Variants in GPM6A observed in about 807,000 individuals in gnomAD.
The protein encoded by GPM6A is neuronal membrane glycoprotein M6-a.
Under a neutral mutation model 32.1 loss-of-function variants are expected in GPM6A, and 7 were observed. The ratio of observed to expected loss-of-function variants is 0.22; its 90% confidence interval spans 0.12 to 0.41. The LOEUF (loss-of-function observed/expected upper bound fraction) is 0.41. Ranked by LOEUF, GPM6A falls within the 10% of genes least tolerant of loss-of-function variation. The pLI, the probability that GPM6A is intolerant of heterozygous loss-of-function variation, is 1.00. For synonymous variants in GPM6A, 130 were observed against 123.4 expected, an observed-to-expected ratio of 1.05 and a Z score of -0.35; for missense variants, 235 against 347.2, an observed-to-expected ratio of 0.68 and a Z score of 2.57.
chr4:175,887,224 T>A (rs191459333), intron 1 of GPM6A, among the ~76,000 whole-genome samples: 18 of 152,086 alleles, frequency 1.2e-4, no homozygotes, highest in Admixed American at 9.8e-4. Context: ...AAAATTTATA[T>A]AATGTTCATA....
intron 1 of GPM6A, among the ~76,000 whole-genome samples, chr4:175,995,189 T>A (rs1741265915): frequency 1.3e-5 from 2 of 152,112 alleles, no homozygotes; most frequent in Admixed American, 1.3e-4. Flanking sequence ...ATATTTGATC[T>A]CCTCCTATGA....
intron 1 of GPM6A, among the ~76,000 whole-genome samples, chr4:175,863,756 C>G (rs1736644169): frequency 6.6e-6 from 1 of 152,186 alleles, no homozygotes; most frequent in South Asian, 2.1e-4. Flanking sequence ...AATCCCAATA[C>G]TTTGGGATGC....
intron 1 of GPM6A, among the ~76,000 whole-genome samples, chr4:175,798,326 G>A (rs1734320012): frequency 1.3e-5 from 2 of 152,114 alleles, no homozygotes; most frequent in African/African-American, 4.8e-5. Context: ...TTGACGTTAA[G>A]ATTACCATGT....
At chr4:175,784,954 T>A (rs970648507) in intron 1 of GPM6A, among the ~76,000 whole-genome samples, 4 of 152,194 alleles carry the variant, frequency 2.6e-5, no homozygotes, top group African/African-American at 9.7e-5. Flanking sequence ...TTGGTAATAG[T>A]CAAAGATCTC....
At chr4:175,734,442 A>T (rs914296459) in intron 1 of GPM6A, among the ~76,000 whole-genome samples, 4 of 152,154 alleles carry the variant, frequency 2.6e-5, no homozygotes, top group Non-Finnish European at 5.9e-5. Context: ...TAGTGAACAA[A>T]GTAGCTTTAT....
At chr4:175,770,835 A>G (rs555542526) in intron 1 of GPM6A, among the ~76,000 whole-genome samples, 1 of 152,180 alleles carries the variant, frequency 6.6e-6, no homozygotes, top group African/African-American at 2.4e-5. Flanking sequence ...TACTATCTCT[A>G]CACAGGCTTC....
chr4:175,890,505 TTTATTTTATTTTATTTTATTTTATG>T (rs1191600212), intron 1 of GPM6A, among the ~76,000 whole-genome samples: 27 of 110,950 alleles, frequency 2.4e-4, no homozygotes, highest in Admixed American at 6.3e-4. Flanking sequence ...TTTATTTTAT[TTTATTTTATTTTATTTTATTTTATG>T]TTATGCTATG....
Position 175,651,816 on chromosome 4 carries a change from G to T in GPM6A, c.541+18C>A, listed in dbSNP as rs1741823582. ...ATGGGATGGTGTTTTACAGTTTAGA[G>T]ATCCAATATCCACTTACCAAACTGA... On this transcript the variant is annotated intron_variant, in intron 4 of 6. Coordinates refer to ENST00000393658, the MANE Select transcript of GPM6A (RefSeq NM_201591.3). The T allele has an allele frequency of 6.2e-7, 1 of 1,601,650 alleles. No individual in the cohort carries two copies. Among genetic ancestry groups the T allele is most frequent in the Non-Finnish European group, 8.5e-7 (1 of 1,170,826 alleles).
intron 1 of GPM6A, among the ~76,000 whole-genome samples, chr4:175,997,973 A>T (rs1012843173): frequency 1.3e-5 from 2 of 152,150 alleles, no homozygotes; most frequent in Non-Finnish European, 2.9e-5. Context: ...TCCCTCAACC[A>T]GTACTCCTTA....
chr4:175,968,642 G>A (rs1375723062), intron 1 of GPM6A, among the ~76,000 whole-genome samples: 1 of 152,104 alleles, frequency 6.6e-6, no homozygotes, highest in Non-Finnish European at 1.5e-5. Context: ...TCTCACCAAA[G>A]ATGACATAGA....
At chr4:175,751,231 A>T (rs1732324184) in intron 1 of GPM6A, among the ~76,000 whole-genome samples, 1 of 152,200 alleles carries the variant, frequency 6.6e-6, no homozygotes, top group African/African-American at 2.4e-5. Context: ...AGAATGTAGA[A>T]GACATGAAAT....
At chr4:175,710,811 A>T (rs554821639) in intron 1 of GPM6A, among the ~76,000 whole-genome samples, 1 of 152,174 alleles carries the variant, frequency 6.6e-6, no homozygotes, top group South Asian at 2.1e-4. Flanking sequence ...TGCTTTGTTT[A>T]ATTTTGTTTT....
At chr4:175,960,020 C>A (rs768122099) in intron 1 of GPM6A, among the ~76,000 whole-genome samples, 2 of 152,080 alleles carry the variant, frequency 1.3e-5, no homozygotes, top group African/African-American at 4.8e-5. Context: ...AAAATTGAGG[C>A]ACAAAGAGGT....
intron 1 of GPM6A, among the ~76,000 whole-genome samples, chr4:175,925,967 C>T (rs1246100964): frequency 6.6e-6 from 1 of 151,426 alleles, no homozygotes; most frequent in East Asian, 1.9e-4. Flanking sequence ...TTCTCCTGCC[C>T]CAGCCTCCCA....
chr4:175,804,582 A>G (rs1339922521), intron 1 of GPM6A, among the ~76,000 whole-genome samples: 1 of 152,246 alleles, frequency 6.6e-6, no homozygotes, highest in Admixed American at 6.5e-5. Flanking sequence ...ATATATTGAC[A>G]TTAGACACTG....
At chr4:175,730,597 A>T (rs1357142751) in intron 1 of GPM6A, among the ~76,000 whole-genome samples, 3 of 151,930 alleles carry the variant, frequency 2.0e-5, no homozygotes, top group Non-Finnish European at 4.4e-5. Context: ...CAGCCTCCTG[A>T]GTAGGTGGGA....
intron 1 of GPM6A, among the ~76,000 whole-genome samples, chr4:175,873,721 G>A (rs1417386753): frequency 6.6e-6 from 1 of 152,062 alleles, no homozygotes. Context: ...ATATTTAAAA[G>A]AGATAACAAT....
intron 1 of GPM6A, among the ~76,000 whole-genome samples, chr4:175,869,067 G>A (rs1344732572): frequency 6.6e-6 from 1 of 152,080 alleles, no homozygotes; most frequent in Non-Finnish European, 1.5e-5. Flanking sequence ...ACTTGACTTA[G>A]TCACTAATGA....
chr4:175,667,983 CTTT>C (rs1742841534), intron 3 of GPM6A, among the ~76,000 whole-genome samples: 1 of 152,048 alleles, frequency 6.6e-6, no homozygotes, highest in African/African-American at 2.4e-5. Context: ...ATGTTGCAAA[CTTT>C]TTATCAATTT....
Sources: allele counts gnomAD v4.1 joint callset (sites outside exome capture counted in the v4.1 genomes callset), GRCh38; gene constraint gnomAD v4.1.1; transcripts MANE v1.5; gene names NCBI Gene and HGNC (gene_info 2026-07-23, HGNC 2026-07-21).